Variants in GRM5 observed in about 807,000 individuals in gnomAD.
GRM5 encodes the protein metabotropic glutamate receptor 5.
Under a neutral mutation model 83.1 loss-of-function variants are expected in GRM5, and 19 were observed. The observed-to-expected ratio is 0.23, with a 90% CI of 0.16 to 0.34. GRM5 has a LOEUF of 0.34. Ranked by LOEUF, GRM5 falls within the 10% of genes least tolerant of loss-of-function variation. GRM5 has a pLI of 1.00. For synonymous variants in GRM5, 675 were observed against 633.6 expected (o/e 1.07, Z -0.98); for missense variants, 1,160 against 1,588.3 (o/e 0.73, Z 4.58).
In GRM5 at chr11:89,019,818, GA is replaced by G. The variant is rs374627678; in HGVS notation, c.661+27393del. On this transcript the variant is annotated intron_variant, in intron 2 of 9. Transcript: ENST00000305447. ...TAGAAAAGTTTCTGCTATAAAACAG[GA>G]AGACAAATCAGACACCTTTGGTTTA... is the stretch of plus-strand genomic sequence containing the variant. 2.6e-4 allele frequency among the ~76,000 whole-genome samples: 39 copies of G among 152,268 alleles called. No individual in the cohort carries two copies. The East Asian group carries it at 5.4e-3, about 21-fold the overall frequency.
chr11:88,512,890 T>A (rs575515586), intron 9 of GRM5, among the ~76,000 whole-genome samples: 1 of 152,312 alleles, frequency 6.6e-6, no homozygotes, highest in Non-Finnish European at 1.5e-5. Context: ...CAGTGCAAAG[T>A]AAAATATTTG....
At position 88,509,339 on chromosome 11, in the gene GRM5, G is replaced by A. The variant is rs1403475148; in HGVS notation, c.2892C>T (p.Gly964=). 6.2e-7 allele frequency: 1 copy of A among 1,602,930 alleles called. No homozygotes were observed. Among genetic ancestry groups the A allele is most frequent in the Non-Finnish European group, 8.5e-7 (1 of 1,175,954 alleles). Residue 964 remains glycine (G), a synonymous_variant, in exon 10 of 10, where the codon GGC becomes GGT. Coordinates refer to ENST00000305447, the MANE Select transcript of GRM5 (RefSeq NM_001143831.3). ...KSTESRGLGA[G]AGAGGSAGGV... ...CCCCAGCGCTCCCGCCTGCGCCAGC[G>A]CCAGCGCCCAGGCCACGGCTCTCCG... is the stretch of plus-strand genomic sequence containing the variant.
intron 2 of GRM5, among the ~76,000 whole-genome samples, chr11:89,023,162 TGTGC>T (rs1011874093): frequency 1.3e-4 from 20 of 151,170 alleles, no homozygotes; most frequent in African/African-American, 4.7e-4. Flanking sequence ...TGTGTGTGTG[TGTGC>T]GCGCGCGTGC....
intron 3 of GRM5, among the ~76,000 whole-genome samples, chr11:88,739,779 G>A (rs988161457): frequency 1.4e-4 from 22 of 152,166 alleles, no homozygotes; most frequent in African/African-American, 4.8e-4. Context: ...CCCCAGCCAT[G>A]TGGAACTGTG....
At position 88,507,488 on chromosome 11, in the gene GRM5, C is replaced by T. The variant is rs1273144380; in HGVS notation, c.*1104G>A. ...AAGATTGTGTTAATCCTTTCAACAA[C>T]AGTCTCTCAAATCATGACAATGTCT... On this transcript the variant is annotated 3_prime_UTR_variant, in exon 10 of 10. Transcript: ENST00000305447. 6.6e-6 allele frequency: 1 copy of T among 152,222 alleles called. No individual in the cohort carries two copies. The highest frequency in any genetic ancestry group is 2.4e-5 in the African/African-American group (1 of 41,466). The allele number at this position is 152,222 out of a possible 1,614,324, so 9.4% of individuals were successfully genotyped here. A position where few individuals can be genotyped will look rare whatever the true frequency, so the allele number is the denominator to read the frequency against.
intron 3 of GRM5, among the ~76,000 whole-genome samples, chr11:88,805,847 C>G (rs1281427157): frequency 1.3e-5 from 2 of 152,058 alleles, no homozygotes; most frequent in Non-Finnish European, 1.5e-5. Context: ...TGACAATTAC[C>G]TGAACTTTTG....
chr11:88,645,978 AC>A (rs1290875278), intron 4 of GRM5, among the ~76,000 whole-genome samples: 2 of 152,080 alleles, frequency 1.3e-5, no homozygotes, highest in African/African-American at 4.8e-5. Context: ...AAAAGGAGGA[AC>A]CTAAAGTTTG....
At chr11:89,042,944 T>C (rs1941565593) in intron 2 of GRM5, among the ~76,000 whole-genome samples, 1 of 152,226 alleles carries the variant, frequency 6.6e-6, no homozygotes, top group Admixed American at 6.5e-5. Context: ...CATCACTGAT[T>C]TGTTTTTTGC....
At chr11:88,514,261 T>C (rs1565319130) in intron 9 of GRM5, among the ~76,000 whole-genome samples, 4 of 152,186 alleles carry the variant, frequency 2.6e-5, no homozygotes, top group African/African-American at 9.6e-5. Context: ...AGCATATCAA[T>C]AATGTTATTT....
intron 9 of GRM5, among the ~76,000 whole-genome samples, chr11:88,523,532 T>C (rs1941762342): frequency 6.6e-6 from 1 of 152,182 alleles, no homozygotes; most frequent in Non-Finnish European, 1.5e-5. Flanking sequence ...AATGATCCTC[T>C]GAGACTCATT....
intron 7 of GRM5, among the ~76,000 whole-genome samples, chr11:88,587,849 T>C (rs1943349938): frequency 6.6e-6 from 1 of 152,164 alleles, no homozygotes; most frequent in African/African-American, 2.4e-5. Flanking sequence ...ACCACTTCTC[T>C]ATCAAACCTA....
chr11:88,863,238 G>C (rs1310942815), intron 2 of GRM5, among the ~76,000 whole-genome samples: 3 of 152,026 alleles, frequency 2.0e-5, no homozygotes, highest in Non-Finnish European at 4.4e-5. Flanking sequence ...AATGTCATTT[G>C]ACCCAGCAAT....
chr11:88,608,402 C>A (rs1938219213), intron 4 of GRM5, among the ~76,000 whole-genome samples: 1 of 151,870 alleles, frequency 6.6e-6, no homozygotes, highest in African/African-American at 2.4e-5. Flanking sequence ...TCTTTTGTGA[C>A]ATTATTTTCA....
rs180771309 is a variant in GRM5 at position 88,824,643 on chromosome 11, A to G, written c.911+25263T>C. Among the ~76,000 whole-genome samples the G allele has an allele frequency of 1.2e-4, 19 of 152,278 alleles. No individual in the cohort carries two copies. In the East Asian group the frequency reaches 3.7e-3, roughly 29 times the overall value. On this transcript the variant is annotated intron_variant, in intron 3 of 9. Coordinates refer to ENST00000305447, the MANE Select transcript of GRM5 (RefSeq NM_001143831.3). Reference sequence around the variant, plus strand: ...TTAATAATAGGGGTTTTACGCTCCTATGAGAATCTAATGCTACCACTGATC... The same window carrying G: ...TTAATAATAGGGGTTTTACGCTCCTGTGAGAATCTAATGCTACCACTGATC...
At chr11:88,768,628 G>GAA (rs34472260) in intron 3 of GRM5, among the ~76,000 whole-genome samples, 6 of 149,980 alleles carry the variant, frequency 4.0e-5, no homozygotes, top group Middle Eastern at 3.5e-3. Flanking sequence ...TATAAAAATT[G>GAA]AAAAAAAAAA....
chr11:88,934,231 CTA>C (rs1207568768), intron 2 of GRM5, among the ~76,000 whole-genome samples: 3 of 151,764 alleles, frequency 2.0e-5, no homozygotes, highest in Non-Finnish European at 4.4e-5. Flanking sequence ...GCTGTGATCT[CTA>C]TTTTTTGATA....
intron 1 of GRM5, among the ~76,000 whole-genome samples, chr11:89,053,440 C>G (rs1174529248): frequency 2.6e-5 from 4 of 152,056 alleles, no homozygotes; most frequent in Admixed American, 1.3e-4. Flanking sequence ...ACAAGAAATA[C>G]ATAGAGTATA....
Position 88,885,450 on chromosome 11 carries a change from G to GGTTTTTTTTTTTTTTT in GRM5, c.662-35296_662-35295insAAAAAAAAAAAAAAAC, listed in dbSNP as rs1945027301. On this transcript the variant is annotated intron_variant, in intron 2 of 9. Transcript: ENST00000305447. ...TTCTGAATTCTATAGTAGGTACCAT[G>GGTTTTTTTTTTTTTTT]TTTTTTTTTTTTTTTTTTTTTTTTT... Among the ~76,000 whole-genome samples the GGTTTTTTTTTTTTTTT allele has an allele frequency of 2.4e-4, 15 of 62,666 alleles. 5 individuals carry two copies. The highest frequency in any genetic ancestry group is 4.2e-4 in the African/African-American group (7 of 16,858). The allele number at this position is 62,666 out of a possible 152,430, so 41.1% of individuals were successfully genotyped here.
At chr11:88,980,464 C>T (rs1400728327) in intron 2 of GRM5, among the ~76,000 whole-genome samples, 4 of 152,050 alleles carry the variant, frequency 2.6e-5, no homozygotes, top group Non-Finnish European at 5.9e-5. Flanking sequence ...AAATGCACTC[C>T]TAAAAAGTTA....
Sources: gnomAD v4.1 joint callset for allele counts (sites outside exome capture counted in the v4.1 genomes callset) on GRCh38, gnomAD v4.1.1 for gene constraint, MANE v1.5 for transcripts, NCBI Gene and HGNC (gene_info 2026-07-23, HGNC 2026-07-21) for gene names.